The following NAAA variants were observed in gnomAD, a reference collection of about 807,000 sequenced individuals.
NAAA encodes N-acylethanolamine acid amidase.
A neutral mutation model predicts 44.8 loss-of-function variants in NAAA; 39 were observed. The ratio of observed to expected loss-of-function variants is 0.87; its 90% CI spans 0.67 to 1.14. The LOEUF (loss-of-function observed/expected upper bound fraction) is 1.14. NAAA is among the 50% of genes most tolerant of loss of function. The probability of loss-of-function intolerance (pLI) is 0.00; values close to 1 mark genes in which losing one functional copy is unlikely to be tolerated. For synonymous variants in NAAA, 178 were observed against 191.3 expected (o/e 0.93, Z 0.58); for missense variants, 460 against 467.8 (o/e 0.98, Z 0.15).
chr4:75,927,650 C>A (rs201869522), intron 4 of NAAA, among the ~76,000 whole-genome samples: 45 of 100,632 alleles, frequency 4.5e-4, no homozygotes, highest in Middle Eastern at 5.6e-3. Context: ...CCCCCCCCGC[C>A]AAAAAAAATA....
intron 2 of NAAA, 95 bp from the exon 3 acceptor site, chr4:75,936,330 A>G (rs1168433526): frequency 7.0e-7 from 1 of 1,428,398 alleles, no homozygotes; most frequent in East Asian, 2.3e-5. Context: ...CCTCAAAGTA[A>G]AAGTTTTTCT....
At chr4:75,935,012 C>CT (rs1194838959) in intron 3 of NAAA, 1 of 152,036 alleles carries the variant, frequency 6.6e-6, no homozygotes, top group East Asian at 1.9e-4. Context: ...TAATATTATC[C>CT]TTCATTCAGT....
chr4:75,935,989 G>A (rs1727669259), intron 3 of NAAA, 120 bp downstream of exon 3: 1 of 1,166,454 alleles, frequency 8.6e-7, no homozygotes, highest in Non-Finnish European at 1.2e-6. Context: ...TTTTTCCAGG[G>A]GTGTGATTTT....
chr4:75,940,641 G>T, intron 1 of NAAA, 103 bp downstream of exon 1: 2 of 1,261,434 alleles, frequency 1.6e-6, no homozygotes, highest in Non-Finnish European at 2.1e-6. Context: ...CAAGGGTGGC[G>T]GGGAGTAAAG....
intron 4 of NAAA, among the ~76,000 whole-genome samples, chr4:75,926,650 A>G (rs1051394355): frequency 6.6e-6 from 1 of 152,122 alleles, no homozygotes; most frequent in African/African-American, 2.4e-5. Flanking sequence ...AGAGATTAAT[A>G]TCCAGAGTAT....
intron 3 of NAAA, among the ~76,000 whole-genome samples, chr4:75,932,158 G>A (rs1197092878): frequency 6.6e-6 from 1 of 152,190 alleles, no homozygotes; most frequent in African/African-American, 2.4e-5. Context: ...GAACCCGGGA[G>A]GCGGAGGTTG....
intron 8 of NAAA, among the ~76,000 whole-genome samples, 198 bp from the exon 9 acceptor site, chr4:75,918,987 GA>G (rs1008124743): frequency 1.0e-4 from 15 of 148,354 alleles, no homozygotes; most frequent in East Asian, 2.0e-4. Context: ...TACTAAAAAA[GA>G]AAAAAAAAGA....
chr4:75,923,251 T>C (rs972924214), intron 5 of NAAA, among the ~76,000 whole-genome samples: 1 of 152,056 alleles, frequency 6.6e-6, no homozygotes, highest in African/African-American at 2.4e-5. Flanking sequence ...GCATATGGAT[T>C]TTTTTTCTTT....
intron 5 of NAAA, among the ~76,000 whole-genome samples, chr4:75,924,269 A>C (rs1256294664): frequency 6.6e-6 from 1 of 152,182 alleles, no homozygotes; most frequent in Non-Finnish European, 1.5e-5. Context: ...GTCATACCCA[A>C]GTTGCTGGCA....
chr4:75,932,388 G>C (rs1188166340), intron 3 of NAAA, among the ~76,000 whole-genome samples: 2 of 152,076 alleles, frequency 1.3e-5, no homozygotes, highest in Non-Finnish European at 1.5e-5. Flanking sequence ...CTTTAACAAA[G>C]CTCTTTCATT....
chr4:75,938,686 C>T (rs1384968177), intron 2 of NAAA, among the ~76,000 whole-genome samples: 7 of 152,224 alleles, frequency 4.6e-5, no homozygotes, highest in Admixed American at 2.6e-4. Context: ...CAAGAGGTTA[C>T]GAGATGAAGC....
At position 75,914,928 on chromosome 4, in the gene NAAA, C is replaced by T. The variant is rs538149866; in HGVS notation, c.1056G>A (p.Arg352=). ...CTTACTTTCTACTCGGGTTTCTGAT[C>T]CTAGTCATGTACTTGTCTGGGCTAC... The part of the protein sequence containing the change: ...SAGSPDKYMT[R]IRNPSRK The change falls in exon 10 of 11, where the codon AGG becomes AGA. Residue 352 remains arginine, a synonymous_variant. Transcript: ENST00000286733. The T allele has an allele frequency of 2.3e-4, 372 of 1,614,094 alleles. 6 individuals are homozygous for T. The South Asian group carries it at 3.8e-3, about 17-fold the overall frequency.
chr4:75,934,789 T>C (rs1193019402), intron 3 of NAAA: 1 of 152,168 alleles, frequency 6.6e-6, no homozygotes, highest in Non-Finnish European at 1.5e-5. Context: ...GTCACCTGAG[T>C]ACTGAGAGTA....
chr4:75,914,929 C>G lies in NAAA; in HGVS notation c.1055G>C (p.Arg352Thr), dbSNP rs1424693180. 1 of 1,614,082 alleles carries G rather than the reference C, an allele frequency of 6.2e-7. No individual in the cohort carries two copies. Among genetic ancestry groups the G allele is most frequent in the South Asian group, 1.1e-5 (1 of 91,078 alleles). Residue 352 changes from arginine to threonine, a missense_variant, in exon 10 of 11, where the codon AGG (arginine) becomes ACG (threonine). Arg to Thr is a moderately conservative substitution (Grantham distance 71). Transcript: ENST00000286733. ...TTACTTTCTACTCGGGTTTCTGATCCTAGTCATGTACTTGTCTGGGCTACC... is the reference window on the plus strand; with the variant it reads ...TTACTTTCTACTCGGGTTTCTGATCGTAGTCATGTACTTGTCTGGGCTACC... Reference protein sequence around the residue: ...SAGSPDKYMTRIRNPSRK With the variant: ...SAGSPDKYMTTIRNPSRK
chr4:75,925,777 G>A lies in NAAA; in HGVS notation c.624C>T (p.Ala208=). Residue 208 remains alanine (A), a synonymous_variant, in exon 5 of 11, where the codon GCC becomes GCT. Coordinates refer to ENST00000286733, the MANE Select transcript of NAAA (RefSeq NM_014435.4). ...TGACGGGAATGTGTCTCCGAAACAG[G>A]GCAGCGATAGCATTCTCCCACCACC... ...KGWWWENAIA[A]LFRRHIPVSW... is the part of the protein sequence containing the mutation. 1.9e-6 allele frequency: 3 copies of A among 1,614,128 alleles called. No individual in the cohort carries two copies. Among genetic ancestry groups the A allele is most frequent in the Non-Finnish European group, 2.5e-6 (3 of 1,180,032 alleles).
downstream of NAAA, chr4:75,911,466 A>T (rs1725320484): frequency 8.8e-6 from 4 of 456,452 alleles, no homozygotes; most frequent in South Asian, 6.3e-5. Context: ...CTCTCCAAGA[A>T]CTCAGAGGCT....
chr4:75,927,625 T>A lies in NAAA; in HGVS notation c.590-1814A>T, dbSNP rs1203376424. ...ACTAAAAAAAAAAATTAAAAAAAAA[T>A]TTTTAATGCCCCCCCCCCCCCCGCC... On this transcript the variant is annotated intron_variant, in intron 4 of 10. Transcript: ENST00000286733. Among the ~76,000 whole-genome samples the A allele has an allele frequency of 1.5e-4, 14 of 95,742 alleles. No individual in the cohort carries two copies. The South Asian group carries it at 3.7e-3, about 25-fold the overall frequency. The allele number at this position is 95,742 out of a possible 152,430, so 62.8% of individuals were successfully genotyped here. A position where few individuals can be genotyped will look rare whatever the true frequency, so the allele number is the denominator to read the frequency against.
At chr4:75,920,899 A>T (rs1726091224) in intron 6 of NAAA, 52 bp downstream of exon 6, 8 of 1,605,580 alleles carry the variant, frequency 5.0e-6, no homozygotes, top group Non-Finnish European at 6.8e-6. Flanking sequence ...TTCACCGATT[A>T]AAAAAAATGA....
intron 5 of NAAA, among the ~76,000 whole-genome samples, chr4:75,921,905 T>C (rs369622569): frequency 3.1e-4 from 47 of 152,260 alleles, no homozygotes; most frequent in African/African-American, 1.1e-3. Context: ...GTGGCAAGGA[T>C]ACTTAAGGGG....
Sources: allele counts gnomAD v4.1 joint callset (sites outside exome capture counted in the v4.1 genomes callset), GRCh38; gene constraint gnomAD v4.1.1; transcripts MANE v1.5; gene names NCBI Gene and HGNC (gene_info 2026-07-23, HGNC 2026-07-21).